The following AKAP13 variants were observed in gnomAD, a reference collection of about 807,000 sequenced individuals.
AKAP13 encodes A-kinase anchoring protein 13.
AKAP13 carries 80 observed loss-of-function variants against 264.5 expected under a neutral mutation model. The observed-to-expected ratio is 0.30, with a 90% confidence interval of 0.25 to 0.36. AKAP13 has a LOEUF of 0.36. Among genes scored for constraint, AKAP13 ranks in the 10% least tolerant of loss-of-function variants. AKAP13 has a pLI of 1.00. For missense variants in AKAP13, 3,712 were observed against 3,435.2 expected (o/e 1.08, Z -2.01); for synonymous variants, 1,380 against 1,250.2 (o/e 1.10, Z -2.19).
chr15:85,741,194 A>G lies in AKAP13; in HGVS notation c.7757A>G (p.Asn2586Ser). 1 of 1,611,286 alleles carries G rather than the reference A, an allele frequency of 6.2e-7. No homozygotes were observed. Among genetic ancestry groups the G allele is most frequent in the Non-Finnish European group, 8.5e-7 (1 of 1,178,772 alleles). ...SLEKQRQDLA[N>S]LQKQQAQYLE... ...GAGAAGCAGCGCCAGGACCTGGCCA[A>G]CCTGCAGAAGCAGCAGGCCCAGTAC... Residue 2586 changes from asparagine (N) to serine (S), a missense_variant, in exon 35 of 37, where the codon AAC becomes AGC. Physicochemically the swap from Asn to Ser is conservative, Grantham distance 46. This residue lies in a region of AKAP13 where 611 missense variants were observed against 539.3 expected (regional missense o/e 1.13). Coordinates refer to ENST00000394518, the MANE Select transcript of AKAP13 (RefSeq NM_007200.5).
chr15:85,555,477 C>A, intron 5 of AKAP13: 1 of 1,287,058 alleles, frequency 7.8e-7, no homozygotes, highest in Non-Finnish European at 1.0e-6. Context: ...ATTCGGGGTG[C>A]TTGGGCAGCC....
intron 14 of AKAP13, among the ~76,000 whole-genome samples, chr15:85,678,504 A>G (rs944488115): frequency 2.0e-5 from 3 of 152,250 alleles, no homozygotes; most frequent in African/African-American, 7.2e-5. Flanking sequence ...TAATAGAAGG[A>G]AGGTTGTGAA....
chr15:85,492,031 ATTCATT>A (rs1009707805), intron 2 of AKAP13, among the ~76,000 whole-genome samples: 6 of 152,350 alleles, frequency 3.9e-5, no homozygotes, highest in Admixed American at 3.9e-4. Context: ...TTACTCTGAA[ATTCATT>A]TTCATTCTTC....
chr15:85,438,659 C>T (rs1414562981), intron 1 of AKAP13, among the ~76,000 whole-genome samples: 88 of 149,680 alleles, frequency 5.9e-4, no homozygotes, highest in African/African-American at 2.0e-3. Context: ...TCAGAAATAA[C>T]GCCGCATATA....
At position 85,581,006 on chromosome 15, in the gene AKAP13, C is replaced by G; in HGVS notation, c.2938C>G (p.Leu980Val). 2.5e-6 allele frequency: 4 copies of G among 1,613,802 alleles called. No homozygotes were observed. The highest frequency in any genetic ancestry group is 3.4e-6 in the Non-Finnish European group (4 of 1,179,824). ...CTGTGCCAAGGACAAAGCACTTCAG[C>G]TAAGTAATTCACCGGGTGCATCCTC... ...ADCAKDKALQ[L>V]SNSPGASSAF... The change falls in exon 7 of 37, where the codon CTA becomes GTA. Residue 980 changes from leucine to valine, a missense_variant. Physicochemically the swap from Leu to Val is conservative, Grantham distance 32. Around this residue, in one of 3 missense-constraint regions of AKAP13, gnomAD observed 2,759 missense variants for 2,411.7 expected, o/e 1.14. Coordinates refer to ENST00000394518, the MANE Select transcript of AKAP13 (RefSeq NM_007200.5).
At chr15:85,733,843 T>C (rs2088222670) in intron 30 of AKAP13, among the ~76,000 whole-genome samples, 1 of 151,310 alleles carries the variant, frequency 6.6e-6, no homozygotes, top group Non-Finnish European at 1.5e-5. Context: ...AGTTCTTTCA[T>C]GTCTTTTGTC....
intron 5 of AKAP13, among the ~76,000 whole-genome samples, chr15:85,549,888 A>G (rs1161501822): frequency 1.3e-5 from 2 of 152,186 alleles, no homozygotes; most frequent in Non-Finnish European, 2.9e-5. Context: ...CATTTAAGCT[A>G]CCATTTTACA....
intron 14 of AKAP13, 69 bp downstream of exon 14, chr15:85,669,899 A>T: frequency 8.2e-7 from 1 of 1,223,688 alleles, no homozygotes; most frequent in Non-Finnish European, 1.1e-6. Context: ...TATTTTTCTC[A>T]CTTTAAGGCC....
chr15:85,511,076 G>T (rs1473770218), intron 2 of AKAP13, among the ~76,000 whole-genome samples: 1 of 152,086 alleles, frequency 6.6e-6, no homozygotes, highest in Non-Finnish European at 1.5e-5. Flanking sequence ...TGAGTTTGTT[G>T]CTTTTCTTCA....
intron 14 of AKAP13, among the ~76,000 whole-genome samples, chr15:85,674,095 A>G (rs965424706): frequency 2.0e-5 from 3 of 151,808 alleles, no homozygotes; most frequent in African/African-American, 7.3e-5. Flanking sequence ...CTGGAAACAC[A>G]TTAGTGGTGA....
At chr15:85,675,084 A>G (rs1262818855) in intron 14 of AKAP13, among the ~76,000 whole-genome samples, 3 of 152,192 alleles carry the variant, frequency 2.0e-5, no homozygotes, top group Non-Finnish European at 4.4e-5. Flanking sequence ...TATATCATAT[A>G]TATGTTGGAA....
At chr15:85,738,736 G>C (rs989313866) in intron 33 of AKAP13, among the ~76,000 whole-genome samples, 1 of 151,418 alleles carries the variant, frequency 6.6e-6, no homozygotes, top group Non-Finnish European at 1.5e-5. Context: ...TACTCGGGAG[G>C]CTGAGGCAGG....
intron 1 of AKAP13, among the ~76,000 whole-genome samples, chr15:85,439,970 TAAAA>T (rs201272928): frequency 3.1e-5 from 4 of 127,622 alleles, no homozygotes; most frequent in Middle Eastern, 7.6e-3. Flanking sequence ...TAAAGTATAA[TAAAA>T]AATAATAATA....
At chr15:85,410,380 T>A (rs147977610) in intron 1 of AKAP13, among the ~76,000 whole-genome samples, 26 of 151,808 alleles carry the variant, frequency 1.7e-4, no homozygotes, top group African/African-American at 6.1e-4. Flanking sequence ...AAATAGGTCT[T>A]CTGCTTCAGA....
chr15:85,681,220 A>G (rs2084581568), intron 14 of AKAP13, among the ~76,000 whole-genome samples: 1 of 152,244 alleles, frequency 6.6e-6, no homozygotes, highest in African/African-American at 2.4e-5. Context: ...TCAAGGAAAA[A>G]GGAAGGTGTT....
intron 1 of AKAP13, among the ~76,000 whole-genome samples, chr15:85,412,072 A>G (rs1302943741): frequency 9.2e-5 from 14 of 151,918 alleles, no homozygotes; most frequent in African/African-American, 2.2e-4. Context: ...AACTCAAGGA[A>G]CCAGTATTTT....
chr15:85,730,828 A>T, intron 30 of AKAP13, 121 bp downstream of exon 30: 1 of 861,416 alleles, frequency 1.2e-6, no homozygotes, highest in African/African-American at 1.7e-5. Flanking sequence ...TACCCAAAAC[A>T]AATATTTCAC....
rs571830681 is a variant in AKAP13 at position 85,419,225 on chromosome 15, C to A, written c.-12+38427C>A. On this transcript the variant is annotated intron_variant, in intron 1 of 36. Transcript: ENST00000394518. ...TTCTTTGCAAGTACTTTGCAAACTT[C>A]TTTGTATGCATTAAAAGAATGCGTG... Among the ~76,000 whole-genome samples, 4 of 152,270 alleles carry A rather than the reference C, an allele frequency of 2.6e-5. No individual in the cohort carries two copies. The East Asian group carries it at 7.7e-4, about 29-fold the overall frequency.
In AKAP13 at chr15:85,575,323, A is replaced by G; in HGVS notation, c.855A>G (p.Gln285=). 1 of 1,614,038 alleles carries G rather than the reference A, an allele frequency of 6.2e-7. No homozygotes were observed. The highest frequency in any genetic ancestry group is 8.5e-7 in the Non-Finnish European group (1 of 1,179,912). Residue 285 remains glutamine (Q), a synonymous_variant, in exon 6 of 37, where the codon CAA becomes CAG. Transcript: ENST00000394518. ...PIFKLMNIQQ[Q]LMKTNLKQMD... is the part of the protein sequence containing the mutation. ...TTAAACTTATGAACATCCAACAGCA[A>G]CTAATGGTAAGTCAGAAAGCTTTTA... is the stretch of plus-strand genomic sequence containing the variant.
Sources: gnomAD v4.1 joint callset for allele counts (sites outside exome capture counted in the v4.1 genomes callset) on GRCh38, gnomAD v4.1.1 for gene constraint, gnomAD v4.1.1 regional missense constraint, MANE v1.5 for transcripts, NCBI Gene and HGNC (gene_info 2026-07-23, HGNC 2026-07-21) for gene names.